Variants in AGMO observed in about 807,000 individuals in gnomAD.
The protein encoded by AGMO is alkylglycerol monooxygenase.
In AGMO, 75 loss-of-function variants were observed where a neutral mutation model predicts 60.2. The ratio of observed to expected loss-of-function variants is 1.25; its 90% CI spans 1.03 to 1.51. The LOEUF (loss-of-function observed/expected upper bound fraction) is 1.51. Ranked by LOEUF, AGMO falls within the 40% of genes most tolerant of loss-of-function variation. AGMO has a pLI of 0.00. For synonymous variants in AGMO, 261 were observed against 177.1 expected, an observed-to-expected ratio of 1.47 and a Z score of -3.76; for missense variants, 763 against 525.5, an observed-to-expected ratio of 1.45 and a Z score of -4.42.
chr7:15,472,151 A>G (rs1782464441), intron 3 of AGMO, among the ~76,000 whole-genome samples: 1 of 151,868 alleles, frequency 6.6e-6, no homozygotes, highest in South Asian at 2.1e-4. Flanking sequence ...GTGTAAATCA[A>G]ATGTATAAAC....
chr7:15,467,195 T>A (rs1201295529), intron 3 of AGMO, among the ~76,000 whole-genome samples: 1 of 152,186 alleles, frequency 6.6e-6, no homozygotes, highest in South Asian at 2.1e-4. Flanking sequence ...AATGTTGTAC[T>A]CTTCCATGCC....
intron 2 of AGMO, among the ~76,000 whole-genome samples, chr7:15,558,166 T>TG (rs11402832): frequency 0.093 from 14,129 of 152,024 alleles, 2,190 homozygotes; most frequent in African/African-American, 0.32. Context: ...TTTGTATTTC[T>TG]GGTACTTACA....
At chr7:15,550,703 A>T (rs1056842544) in intron 2 of AGMO, among the ~76,000 whole-genome samples, 1 of 146,028 alleles carries the variant, frequency 6.8e-6, no homozygotes, top group East Asian at 2.0e-4. Context: ...AGAGTCCAGG[A>T]CCAGATGGAT....
intron 12 of AGMO, among the ~76,000 whole-genome samples, chr7:15,341,545 T>G (rs1322607271): frequency 6.6e-6 from 1 of 152,132 alleles, no homozygotes; most frequent in African/African-American, 2.4e-5. Flanking sequence ...TCCCACATCT[T>G]TCTGTCTTCT....
chr7:15,213,087 GAT>G (rs1299953020), intron 12 of AGMO, among the ~76,000 whole-genome samples: 1 of 151,802 alleles, frequency 6.6e-6, no homozygotes, highest in Non-Finnish European at 1.5e-5. Flanking sequence ...AATTATTATT[GAT>G]ATGACACACA....
At chr7:15,475,130 G>A (rs751057487) in intron 3 of AGMO, among the ~76,000 whole-genome samples, 1 of 152,136 alleles carries the variant, frequency 6.6e-6, no homozygotes, top group South Asian at 2.1e-4. Context: ...GGAAGACAGC[G>A]TGGCAATTCC....
At chr7:15,189,148 A>G in the AGMO span, among the ~76,000 whole-genome samples, 1 of 152,138 alleles carries the variant, frequency 6.6e-6, no homozygotes, top group Non-Finnish European at 1.5e-5. Flanking sequence ...GAAGAGGGGC[A>G]TTGGGGAAAA....
At chr7:15,386,340 C>T (rs1783914367) in intron 9 of AGMO, among the ~76,000 whole-genome samples, 1 of 152,066 alleles carries the variant, frequency 6.6e-6, no homozygotes, top group Non-Finnish European at 1.5e-5. Flanking sequence ...ATTTAAGTTT[C>T]CCCAAAATGC....
At chr7:15,158,649 G>A in the AGMO span, among the ~76,000 whole-genome samples, 2 of 152,136 alleles carry the variant, frequency 1.3e-5, no homozygotes, top group African/African-American at 4.8e-5. Context: ...AAGGCACAGA[G>A]AACTTACAAT....
rs193261297 is a variant in AGMO, at chr7:15,310,559, A to T, written c.1263+54955T>A. Among the ~76,000 whole-genome samples, 6 of 151,168 alleles carry T rather than the reference A, an allele frequency of 4.0e-5. No individual in the cohort carries two copies. The East Asian group carries it at 1.2e-3, about 29-fold the overall frequency. ...ATCATGTTATTATAATATTTTAAGT[A>T]ATAATGTGTCTAATTAGAAATTTGG... On this transcript the variant is annotated intron_variant, in intron 12 of 12. Coordinates refer to ENST00000342526, the MANE Select transcript of AGMO (RefSeq NM_001004320.2).
chr7:15,297,256 CA>C (rs1487484461), intron 12 of AGMO, among the ~76,000 whole-genome samples: 1 of 152,080 alleles, frequency 6.6e-6, no homozygotes, highest in Non-Finnish European at 1.5e-5. Flanking sequence ...CCTACTGACA[CA>C]GAACTGTAAA....
chr7:15,229,702 T>TTATA (rs531008930), intron 12 of AGMO, among the ~76,000 whole-genome samples: 1 of 138,980 alleles, frequency 7.2e-6, no homozygotes, highest in Non-Finnish European at 1.5e-5. Context: ...AACTAATTAT[T>TTATA]TATATATATA....
intron 5 of AGMO, among the ~76,000 whole-genome samples, 168 bp downstream of exon 5, chr7:15,418,390 C>A (rs1392087865): frequency 6.6e-6 from 1 of 151,952 alleles, no homozygotes; most frequent in African/African-American, 2.4e-5. Flanking sequence ...TTCTTATAAA[C>A]TTTGCAATAT....
rs186617603 is a variant in AGMO at position 15,352,730 on chromosome 7, T to C, written c.1263+12784A>G. On this transcript the variant is annotated intron_variant, in intron 12 of 12. Transcript: ENST00000342526. ...AACCACGTTGACGGTCTGCCAAATA[T>C]CCATGCGCCTTTTTCTCAGCGACAG... 5.5e-3 allele frequency among the ~76,000 whole-genome samples: 835 copies of C among 151,742 alleles called. 6 individuals carry two copies. The highest frequency in any genetic ancestry group is 0.013 in the South Asian group (63 of 4,784).
intron 12 of AGMO, among the ~76,000 whole-genome samples, chr7:15,275,094 T>G (rs1004489330): frequency 6.6e-6 from 1 of 152,042 alleles, no homozygotes; most frequent in East Asian, 1.9e-4. Flanking sequence ...TAGCTGTGGG[T>G]TTGGTATGTT....
intron 2 of AGMO, among the ~76,000 whole-genome samples, chr7:15,547,012 T>C (rs997238967): frequency 1.3e-5 from 2 of 152,186 alleles, no homozygotes; most frequent in South Asian, 4.1e-4. Context: ...AAATGGCAAA[T>C]AACATTAATT....
At chr7:15,376,371 T>A (rs1783450765) in intron 10 of AGMO, among the ~76,000 whole-genome samples, 1 of 124,402 alleles carries the variant, frequency 8.0e-6, no homozygotes, top group Non-Finnish European at 1.6e-5. Flanking sequence ...GACCAAAATA[T>A]ATTGATTTTT....
the AGMO span, among the ~76,000 whole-genome samples, chr7:15,128,094 C>T: frequency 6.6e-6 from 1 of 152,180 alleles, no homozygotes; most frequent in South Asian, 2.1e-4. Flanking sequence ...GAGCATCAGT[C>T]CTGCCTTTCT....
chr7:15,273,708 T>C (rs1227680233), intron 12 of AGMO, among the ~76,000 whole-genome samples: 1 of 152,204 alleles, frequency 6.6e-6, no homozygotes, highest in Non-Finnish European at 1.5e-5. Flanking sequence ...TAAATTACCT[T>C]GGGCACTATG....
Sources: gnomAD v4.1 joint callset for allele counts (sites outside exome capture counted in the v4.1 genomes callset) on GRCh38, gnomAD v4.1.1 for gene constraint, MANE v1.5 for transcripts, NCBI Gene and HGNC (gene_info 2026-07-23, HGNC 2026-07-21) for gene names.